Variants in DAPK2 observed in about 807,000 individuals in gnomAD.
DAPK2 encodes the protein death-associated protein kinase 2.
A neutral mutation model predicts 44.1 loss-of-function variants in DAPK2; 35 were observed. The observed-to-expected ratio is 0.79, with a 90% CI of 0.61 to 1.05. The LOEUF is 1.05. DAPK2 is among the 50% of genes least tolerant of loss of function. The pLI is 0.00. For missense variants in DAPK2, 453 were observed against 483.2 expected (o/e 0.94, Z 0.59); for synonymous variants, 174 against 182.6 (o/e 0.95, Z 0.38).
chr15:63,985,675 C>T (rs963836530), intron 1 of DAPK2, among the ~76,000 whole-genome samples: 2 of 152,212 alleles, frequency 1.3e-5, no homozygotes, highest in Non-Finnish European at 2.9e-5. Context: ...CTTGGCTTGG[C>T]ATCCAAATCC....
rs551084335 is a variant in DAPK2 at position 63,989,928 on chromosome 15, G to A, written c.93-6174C>T. ...GCTGGTCTTGAACTCCTGGTCTCCA[G>A]TGATCTGCCCGCCTAGGCCTCCCAA... On this transcript the variant is annotated intron_variant, in intron 1 of 10. Transcript: ENST00000261891. Among the ~76,000 whole-genome samples the A allele has an allele frequency of 2.0e-5, 3 of 152,306 alleles. No homozygotes were observed. The South Asian group carries it at 6.2e-4, about 32-fold the overall frequency.
rs945236342 is a variant in DAPK2 at position 63,912,165 on chromosome 15, C to T, written c.891G>A (p.Arg297=). The change falls in exon 9 of 11, where the codon AGG becomes AGA. Residue 297 remains arginine (R), a synonymous_variant. Transcript: ENST00000261891. This position sits in a 1 kb window ranked among gnomAD's most constrained non-coding sequence, Gnocchi z 4.4. ...AGTTCTCCAGATTGACCACAGACTC[C>T]CTGCGCACCATGGCTTGCTGGTTGT... 3.7e-6 allele frequency: 6 copies of T among 1,613,940 alleles called. No individual in the cohort carries two copies. In the Admixed American group the frequency reaches 8.3e-5, roughly 22 times the overall value.
intron 3 of DAPK2, among the ~76,000 whole-genome samples, chr15:63,947,489 G>T (rs933435269): frequency 6.6e-6 from 1 of 152,194 alleles, no homozygotes; most frequent in African/African-American, 2.4e-5. Flanking sequence ...TCCTGCTTTT[G>T]GAGAATATAG....
chr15:63,992,218 A>G (rs1467580543), intron 1 of DAPK2, among the ~76,000 whole-genome samples: 2 of 152,208 alleles, frequency 1.3e-5, no homozygotes, highest in Non-Finnish European at 2.9e-5. Flanking sequence ...TTGGCTACGT[A>G]AAGAAAGATT....
At chr15:63,962,674 A>G (rs2077942170) in intron 3 of DAPK2, among the ~76,000 whole-genome samples, 1 of 152,250 alleles carries the variant, frequency 6.6e-6, no homozygotes, top group Non-Finnish European at 1.5e-5. Flanking sequence ...CAAATATTGC[A>G]GAACGGTAGA....
intron 3 of DAPK2, among the ~76,000 whole-genome samples, chr15:63,962,876 T>G (rs4776691): frequency 0.97 from 147,365 of 152,274 alleles, 71,496 homozygotes; most frequent in East Asian, 1. Context: ...TCTCTTTAAA[T>G]CTGTCAGACA....
upstream of DAPK2, chr15:64,046,407 G>A (rs1487675685): frequency 2.8e-6 from 1 of 361,660 alleles, no homozygotes. The surrounding 1 kb of genome is among the most constrained non-coding windows in gnomAD (Gnocchi z 5.3). Context: ...GGACGCGGCG[G>A]GGTGCGCTGG....
At chr15:64,043,755 A>G (rs1485971177), upstream of DAPK2, among the ~76,000 whole-genome samples, 1 of 152,234 alleles carries the variant, frequency 6.6e-6, no homozygotes, top group African/African-American at 2.4e-5. Flanking sequence ...GAGATAACCC[A>G]TGTGTAATGT....
intron 1 of DAPK2, among the ~76,000 whole-genome samples, chr15:64,026,611 T>C (rs1314862300): frequency 6.6e-6 from 1 of 152,178 alleles, no homozygotes; most frequent in African/African-American, 2.4e-5. Flanking sequence ...CTCTCCCTTT[T>C]GCCCTCTCAA....
At chr15:63,925,423 C>T (rs995017686) in intron 7 of DAPK2, among the ~76,000 whole-genome samples, 1 of 152,046 alleles carries the variant, frequency 6.6e-6, no homozygotes, top group African/African-American at 2.4e-5. Flanking sequence ...TACCCAGCGC[C>T]CTGCAATTCC....
At chr15:64,042,840 C>T (rs920938182), upstream of DAPK2, among the ~76,000 whole-genome samples, 8 of 152,214 alleles carry the variant, frequency 5.3e-5, no homozygotes, top group African/African-American at 1.9e-4. This position sits in a 1 kb window ranked among gnomAD's most constrained non-coding sequence, Gnocchi z 4.7. Context: ...CTACCCACTT[C>T]CCACAAGACC....
At chr15:63,984,637 G>A (rs1051228887) in intron 1 of DAPK2, among the ~76,000 whole-genome samples, 21 of 152,106 alleles carry the variant, frequency 1.4e-4, no homozygotes, top group South Asian at 2.1e-4. Flanking sequence ...GGGTCCTCCC[G>A]TCCCCTTACT....
chr15:64,022,804 G>A (rs1232382232), intron 1 of DAPK2, among the ~76,000 whole-genome samples: 1 of 152,176 alleles, frequency 6.6e-6, no homozygotes, highest in Non-Finnish European at 1.5e-5. Flanking sequence ...GGGTGACAGA[G>A]TGAGACCAAG....
In DAPK2 at chr15:64,020,654, A is replaced by T. The variant is rs1394861654; in HGVS notation, c.92+19516T>A. On this transcript the variant is annotated intron_variant, in intron 1 of 10. Coordinates refer to ENST00000261891, the Ensembl canonical transcript of DAPK2. The surrounding 1 kb of genome is among the most constrained non-coding windows in gnomAD (Gnocchi z 4.5). ...GCGAAAAGAAATCTAGGCTTAAAGAAAAATATTTATAGAAAGGAAATGTAG... is the reference window on the plus strand; with the variant it reads ...GCGAAAAGAAATCTAGGCTTAAAGATAAATATTTATAGAAAGGAAATGTAG... Among the ~76,000 whole-genome samples the T allele has an allele frequency of 6.6e-6, 1 of 152,248 alleles. No homozygotes were observed. Among genetic ancestry groups the T allele is most frequent in the Non-Finnish European group, 1.5e-5 (1 of 68,042 alleles).
Position 63,990,119 on chromosome 15 carries a change from C to T in DAPK2, c.93-6365G>A, listed in dbSNP as rs2078777166. Among the ~76,000 whole-genome samples the T allele has an allele frequency of 6.6e-6, 1 of 152,186 alleles. No homozygotes were observed. Among genetic ancestry groups the T allele is most frequent in the Non-Finnish European group, 1.5e-5 (1 of 68,030 alleles). ...CAGCCAACCAGACTTGTTCTGTCAA[C>T]TACCAGGGCCAAGCTGCTAAAGGCT... is the stretch of plus-strand genomic sequence containing the variant. On this transcript the variant is annotated intron_variant, in intron 1 of 10. Transcript: ENST00000261891. This position sits in a 1 kb window ranked among gnomAD's most constrained non-coding sequence, Gnocchi z 4.3.
intron 1 of DAPK2, among the ~76,000 whole-genome samples, chr15:64,005,561 A>C (rs2079204101): frequency 6.6e-6 from 1 of 152,108 alleles, no homozygotes; most frequent in South Asian, 2.1e-4. Flanking sequence ...GAATGGGCTT[A>C]TACCAATCTG....
At chr15:64,034,442 G>A (rs1006201406) in intron 1 of DAPK2, among the ~76,000 whole-genome samples, 10 of 152,154 alleles carry the variant, frequency 6.6e-5, no homozygotes, top group East Asian at 3.8e-4. Flanking sequence ...TTCCCCCGCC[G>A]AAGTCTCTCA....
chr15:63,984,997 G>T (rs1268459159), intron 1 of DAPK2, among the ~76,000 whole-genome samples: 1 of 152,180 alleles, frequency 6.6e-6, no homozygotes, highest in Non-Finnish European at 1.5e-5. Context: ...AGCATTCTAT[G>T]GCAGCCACTT....
intron 1 of DAPK2, among the ~76,000 whole-genome samples, chr15:64,009,703 G>C (rs1239485618): frequency 1.3e-5 from 2 of 152,098 alleles, no homozygotes; most frequent in Non-Finnish European, 2.9e-5. Context: ...AGCTCCTAAA[G>C]TTCAGTACAC....
Sources: allele counts gnomAD v4.1 joint callset (sites outside exome capture counted in the v4.1 genomes callset), GRCh38; gene constraint gnomAD v4.1.1; non-coding constraint Gnocchi (gnomAD v3.1); transcripts MANE v1.5; gene names NCBI Gene and HGNC (gene_info 2026-07-23, HGNC 2026-07-21).